CSPP1: variants seen among roughly 807,000 people sequenced by gnomAD.
CSPP1 encodes centrosome and spindle pole-associated protein 1.
CSPP1 carries 126 observed loss-of-function variants against 164.4 expected under a neutral mutation model. The ratio of observed to expected loss-of-function variants is 0.77; its 90% CI spans 0.66 to 0.89. The LOEUF is 0.89. Ranked by LOEUF, CSPP1 falls within the 40% of genes least tolerant of loss-of-function variation. The pLI is 0.00. For synonymous variants in CSPP1, 472 were observed against 476.7 expected, an observed-to-expected ratio of 0.99 and a Z score of 0.13; for missense variants, 1,395 against 1,449.8, an observed-to-expected ratio of 0.96 and a Z score of 0.61.
intron 17 of CSPP1, among the ~76,000 whole-genome samples, chr8:67,141,795 A>T (rs1474703262): frequency 6.6e-6 from 1 of 152,244 alleles, no homozygotes; most frequent in Non-Finnish European, 1.5e-5. Context: ...GATTACAGAC[A>T]TGAGCGACTG....
In CSPP1 at chr8:67,195,510, G is replaced by C. The variant is rs1427409108; in HGVS notation, c.3598G>C (p.Glu1200Gln). The change falls in exon 31 of 31, where the codon GAG becomes CAG. Residue 1200 changes from glutamate (E) to glutamine (Q), a missense_variant. Coordinates refer to ENST00000678616, the MANE Select transcript of CSPP1 (RefSeq NM_001382391.1). ...AGAAACGCTGAAACGTTTCATGGCA[G>C]AGCAGCTGAACCAGGAGCAGCAGCA... Reference protein sequence around the residue: ...TSETLKRFMAEQLNQEQQQIP... With the variant: ...TSETLKRFMAQQLNQEQQQIP... 3 of 1,614,206 alleles carry C rather than the reference G, an allele frequency of 1.9e-6. No individual in the cohort carries two copies. The highest frequency in any genetic ancestry group is 2.5e-6 in the Non-Finnish European group (3 of 1,180,044).
At chr8:67,162,921 G>A (rs1437527234) in intron 22 of CSPP1, among the ~76,000 whole-genome samples, 3 of 152,152 alleles carry the variant, frequency 2.0e-5, no homozygotes, top group African/African-American at 7.2e-5. Context: ...TTCTGGACTC[G>A]ATTTGTAGTT....
At chr8:67,165,277 C>T (rs1829102596) in intron 24 of CSPP1, among the ~76,000 whole-genome samples, 1 of 152,166 alleles carries the variant, frequency 6.6e-6, no homozygotes, top group African/African-American at 2.4e-5. Context: ...GAGTGAGACT[C>T]TGTCTCACGA....
At chr8:67,117,884 C>G (rs1316507408) in intron 13 of CSPP1, among the ~76,000 whole-genome samples, 1 of 151,986 alleles carries the variant, frequency 6.6e-6, no homozygotes, top group Admixed American at 6.6e-5. Flanking sequence ...TTTGCTTGTA[C>G]TATTATTAAT....
Position 67,195,475 on chromosome 8 carries a change from C to G in CSPP1, c.3563C>G (p.Pro1188Arg). Residue 1188 changes from proline to arginine, a missense_variant, in exon 31 of 31, where the codon CCT (proline) becomes CGT (arginine). Pro to Arg is a moderately radical substitution (Grantham distance 103). Transcript: ENST00000678616. Reference protein sequence around the residue: ...NSVATEPWLRPGTSETLKRFM... With the variant: ...NSVATEPWLRRGTSETLKRFM... Reference sequence around the variant, plus strand: ...GTAGCAACTGAGCCCTGGCTCCGCCCTGGCACTTCAGAAACGCTGAAACGT... The same window carrying G: ...GTAGCAACTGAGCCCTGGCTCCGCCGTGGCACTTCAGAAACGCTGAAACGT... The G allele has an allele frequency of 6.2e-7, 1 of 1,614,088 alleles. No homozygotes were observed. Among genetic ancestry groups the G allele is most frequent in the East Asian group, 2.2e-5 (1 of 44,882 alleles).
Position 67,172,154 on chromosome 8 carries a change from A to AT in CSPP1, c.2829-240dup, listed in dbSNP as rs540548645. On this transcript the variant is annotated intron_variant, in intron 24 of 30. Coordinates refer to ENST00000678616, the MANE Select transcript of CSPP1 (RefSeq NM_001382391.1). ...ATGAGACACCATGCCTGGCCTCATAATTTTTTTTTTTTTTTTTTTTTTGTA... is the reference window on the plus strand; with the variant it reads ...ATGAGACACCATGCCTGGCCTCATAATTTTTTTTTTTTTTTTTTTTTTTGTA... Among the ~76,000 whole-genome samples, 7,496 of 124,862 alleles carry AT rather than the reference A, an allele frequency of 0.06. 371 individuals carry two copies. Among genetic ancestry groups the AT allele is most frequent in the African/African-American group, 0.1 (3,323 of 32,516 alleles). The allele number at this position is 124,862 out of a possible 152,430, so 81.9% of individuals were successfully genotyped here.
chr8:67,165,101 A>G (rs985034073), intron 24 of CSPP1, among the ~76,000 whole-genome samples: 1 of 152,268 alleles, frequency 6.6e-6, no homozygotes, highest in Middle Eastern at 3.4e-3. Context: ...TGTCTAACAC[A>G]GTGAAACCCC....
Position 67,184,406 on chromosome 8 carries a change from C to T in CSPP1, c.3220+4480C>T, listed in dbSNP as rs555795605. Among the ~76,000 whole-genome samples the T allele has an allele frequency of 2.0e-5, 3 of 152,254 alleles. No individual in the cohort carries two copies. In the East Asian group the frequency reaches 5.8e-4, roughly 29 times the overall value. On this transcript the variant is annotated intron_variant, in intron 28 of 30. Coordinates refer to ENST00000678616, the MANE Select transcript of CSPP1 (RefSeq NM_001382391.1). Reference sequence around the variant, plus strand: ...GAAGATCAGTAAGCCTCTAGCCAAGCTAATAAAAGAGAAGACACAAATTAC... The same window carrying T: ...GAAGATCAGTAAGCCTCTAGCCAAGTTAATAAAAGAGAAGACACAAATTAC...
rs1837748745 is a variant in CSPP1 at position 67,195,483 on chromosome 8, T to TCAGAAAC, written c.3572_3578dup (p.Leu1194ArgfsTer38). On this transcript the variant is annotated frameshift_variant, in exon 31 of 31. Coordinates refer to ENST00000678616, the MANE Select transcript of CSPP1 (RefSeq NM_001382391.1). LOFTEE classifies it high-confidence loss of function. ...TGAGCCCTGGCTCCGCCCTGGCACT[T>TCAGAAAC]CAGAAACGCTGAAACGTTTCATGGC... The TCAGAAAC allele has an allele frequency of 1.2e-6, 2 of 1,614,096 alleles. No homozygotes were observed. The highest frequency in any genetic ancestry group is 2.7e-5 in the African/African-American group (2 of 74,952).
At chr8:67,182,082 G>A (rs1265521928) in intron 28 of CSPP1, among the ~76,000 whole-genome samples, 1 of 152,074 alleles carries the variant, frequency 6.6e-6, no homozygotes, top group Non-Finnish European at 1.5e-5. Flanking sequence ...GCTCACTGCA[G>A]CCTTGACCTC....
intron 5 of CSPP1, among the ~76,000 whole-genome samples, chr8:67,092,099 A>T (rs1449925444): frequency 6.6e-6 from 1 of 152,208 alleles, no homozygotes; most frequent in Non-Finnish European, 1.5e-5. Flanking sequence ...ATATTTCTTT[A>T]ATATGTTGAT....
At chr8:67,160,154 T>C (rs972512997) in intron 21 of CSPP1, among the ~76,000 whole-genome samples, 4 of 149,744 alleles carry the variant, frequency 2.7e-5, no homozygotes, top group African/African-American at 9.9e-5. Flanking sequence ...AGTGGTGGGA[T>C]TGCAGGTGTG....
intron 4 of CSPP1, among the ~76,000 whole-genome samples, chr8:67,089,448 C>T (rs1811157644): frequency 6.6e-6 from 1 of 152,126 alleles, no homozygotes; most frequent in Non-Finnish European, 1.5e-5. Flanking sequence ...TTATGTAGAC[C>T]ATGTCCAAAA....
intron 5 of CSPP1, among the ~76,000 whole-genome samples, chr8:67,092,605 C>T (rs930418378): frequency 3.9e-5 from 6 of 152,000 alleles, no homozygotes; most frequent in South Asian, 2.1e-4. Flanking sequence ...CACCAAGCCC[C>T]GCTAATTTTT....
Position 67,095,481 on chromosome 8 carries a change from C to A in CSPP1, c.672C>A (p.Ile224=). 1 of 1,612,780 alleles carries A rather than the reference C, an allele frequency of 6.2e-7. No homozygotes were observed. The highest frequency in any genetic ancestry group is 8.5e-7 in the Non-Finnish European group (1 of 1,179,628). ...EDRYRQLDDE[I]ELRNRRIIKK... ...GATACCGACAACTAGATGATGAAAT[C>A]GAATTAAGGAATAGAAGAATTATTA... Residue 224 remains isoleucine, a synonymous_variant, in exon 7 of 31, where the codon ATC becomes ATA. Coordinates refer to ENST00000678616, the MANE Select transcript of CSPP1 (RefSeq NM_001382391.1).
At chr8:67,147,856 T>A (rs1156563838) in intron 17 of CSPP1, among the ~76,000 whole-genome samples, 4 of 152,184 alleles carry the variant, frequency 2.6e-5, no homozygotes, top group Admixed American at 2.0e-4. Flanking sequence ...CTTTTACTCC[T>A]GTGTTACTCT....
intron 15 of CSPP1, among the ~76,000 whole-genome samples, chr8:67,127,419 C>T (rs114933732): frequency 6.6e-5 from 10 of 152,228 alleles, no homozygotes; most frequent in Admixed American, 3.3e-4. Context: ...CTCCATTTCA[C>T]GCCTCCCCAT....
chr8:67,177,790 A>T, intron 27 of CSPP1, 64 bp downstream of exon 27: 1 of 1,087,522 alleles, frequency 9.2e-7, no homozygotes, highest in South Asian at 1.3e-5. Context: ...TAGGCATATG[A>T]TGATCAAGTA....
intron 2 of CSPP1, 71 bp from the exon 3 acceptor site, chr8:67,076,411 A>G: frequency 1.3e-6 from 1 of 774,382 alleles, no homozygotes; most frequent in Admixed American, 2.8e-5. Flanking sequence ...TTTAATTAAA[A>G]TTTGAGATGA....
Sources: gnomAD v4.1 joint callset for allele counts (sites outside exome capture counted in the v4.1 genomes callset) on GRCh38, gnomAD v4.1.1 for gene constraint, MANE v1.5 for transcripts, NCBI Gene and HGNC (gene_info 2026-07-23, HGNC 2026-07-21) for gene names.